The following ZRANB1 variants were observed in gnomAD, a reference collection of about 807,000 sequenced individuals.
ZRANB1 encodes zinc finger RANBP2-type containing 1.
A neutral mutation model predicts 80.5 loss-of-function variants in ZRANB1; 16 were observed. The observed-to-expected ratio is 0.20, with a 90% confidence interval of 0.13 to 0.30. ZRANB1 has a LOEUF of 0.30. ZRANB1 is among the 10% of genes least tolerant of loss of function. The pLI is 1.00. For missense variants in ZRANB1, 576 were observed against 862.6 expected (o/e 0.67, Z 4.16); for synonymous variants, 291 against 293.1 (o/e 0.99, Z 0.07).
intron 6 of ZRANB1, among the ~76,000 whole-genome samples, chr10:124,982,571 A>G (rs1347667327): frequency 1.3e-5 from 2 of 152,102 alleles, no homozygotes; most frequent in Non-Finnish European, 2.9e-5. Context: ...ACAAATATAT[A>G]TACAACTACT....
At chr10:124,973,356 C>T (rs1025069314) in intron 3 of ZRANB1, among the ~76,000 whole-genome samples, 5 of 151,748 alleles carry the variant, frequency 3.3e-5, no homozygotes, top group African/African-American at 4.9e-5. Flanking sequence ...AGGGTTTTGC[C>T]GTGTTGCCCA....
At chr10:124,921,935 T>G in the ZRANB1 span, among the ~76,000 whole-genome samples, 1 of 151,950 alleles carries the variant, frequency 6.6e-6, no homozygotes, top group Non-Finnish European at 1.5e-5. Flanking sequence ...AATATAAAAT[T>G]AATATTTTTT....
chr10:124,952,263 G>A (rs1245240903), intron 1 of ZRANB1, among the ~76,000 whole-genome samples: 3 of 152,210 alleles, frequency 2.0e-5, no homozygotes, highest in Non-Finnish European at 1.5e-5. Flanking sequence ...GGGTTATCTG[G>A]GTGGGTGGTG....
In ZRANB1 at chr10:124,942,827, A is replaced by G; in HGVS notation, c.334A>G (p.Arg112Gly). 6.2e-7 allele frequency: 1 copy of G among 1,614,264 alleles called. No homozygotes were observed. The highest frequency in any genetic ancestry group is 2.2e-5 in the East Asian group (1 of 44,892). The change falls in exon 1 of 9, where the codon AGG becomes GGG. Residue 112 changes from arginine (R) to glycine (G), a missense_variant. Coordinates refer to ENST00000359653, the MANE Select transcript of ZRANB1 (RefSeq NM_017580.3). ...IRCTQCLSQR[R>G]TRSPTESPQS... Reference sequence around the variant, plus strand: ...ATGTACCCAGTGCTTATCCCAACGTAGGACCAGGAGTCCTACAGAATCTCC... The same window carrying G: ...ATGTACCCAGTGCTTATCCCAACGTGGGACCAGGAGTCCTACAGAATCTCC...
At chr10:124,975,863 G>A (rs1951872449) in intron 5 of ZRANB1, among the ~76,000 whole-genome samples, 1 of 152,124 alleles carries the variant, frequency 6.6e-6, no homozygotes, top group South Asian at 2.1e-4. Flanking sequence ...TTAGCCAGGT[G>A]TGGTGGTGCA....
intron 5 of ZRANB1, among the ~76,000 whole-genome samples, chr10:124,974,655 T>C (rs1236922742): frequency 6.6e-6 from 1 of 152,266 alleles, no homozygotes; most frequent in African/African-American, 2.4e-5. Flanking sequence ...CATTTGAAGC[T>C]TTAAAATGCA....
At chr10:124,971,511 T>C (rs992610652) in intron 2 of ZRANB1, among the ~76,000 whole-genome samples, 11 of 152,332 alleles carry the variant, frequency 7.2e-5, no homozygotes, top group African/African-American at 1.9e-4. Flanking sequence ...ACCGTGCTTT[T>C]TTTAAGTCCA....
rs568175548 is a variant in ZRANB1, at chr10:124,948,295, A to G, written c.814+4988A>G. 6.6e-5 allele frequency among the ~76,000 whole-genome samples: 10 copies of G among 152,328 alleles called. No homozygotes were observed. In the East Asian group the frequency reaches 9.6e-4, roughly 15 times the overall value. On this transcript the variant is annotated intron_variant, in intron 1 of 8. Coordinates refer to ENST00000359653, the MANE Select transcript of ZRANB1 (RefSeq NM_017580.3). Reference sequence around the variant, plus strand: ...ATTACAAGAATACAGTGTATAATACATATACAAATATGTGTTCGACTGTTT... The same window carrying G: ...ATTACAAGAATACAGTGTATAATACGTATACAAATATGTGTTCGACTGTTT...
chr10:124,967,789 A>T (rs1326946035), intron 2 of ZRANB1, among the ~76,000 whole-genome samples: 3 of 152,150 alleles, frequency 2.0e-5, no homozygotes, highest in Admixed American at 1.3e-4. Context: ...TACAGTGTGG[A>T]TGTAAGTTGA....
intron 1 of ZRANB1, among the ~76,000 whole-genome samples, chr10:124,948,023 T>A (rs562229363): frequency 1.3e-5 from 2 of 152,304 alleles, no homozygotes; most frequent in African/African-American, 4.8e-5. Flanking sequence ...CTCCATATAC[T>A]TTTGACCCTT....
chr10:124,965,732 A>T (rs1379281489), intron 1 of ZRANB1, among the ~76,000 whole-genome samples: 1 of 152,190 alleles, frequency 6.6e-6, no homozygotes, highest in Non-Finnish European at 1.5e-5. Flanking sequence ...TGTTTTAAAC[A>T]CTTTTTGTGG....
intron 5 of ZRANB1, among the ~76,000 whole-genome samples, chr10:124,977,735 AAG>A (rs1473737209): frequency 1.7e-4 from 26 of 150,788 alleles, no homozygotes; most frequent in African/African-American, 6.1e-4. Flanking sequence ...AAAAAAAAAA[AAG>A]ATGGTTTGGT....
the ZRANB1 span, chr10:124,917,057 G>T: frequency 6.5e-6 from 1 of 152,886 alleles, no homozygotes; most frequent in South Asian, 1.9e-4. Context: ...CGGACCCTCG[G>T]AGACCATGTC....
chr10:124,965,125 G>A (rs968481591), intron 1 of ZRANB1, among the ~76,000 whole-genome samples: 10 of 152,030 alleles, frequency 6.6e-5, no homozygotes, highest in Non-Finnish European at 1.2e-4. Context: ...CCTTGATTAA[G>A]CTTTAGCTTT....
intron 1 of ZRANB1, 118 bp from the exon 2 acceptor site, chr10:124,966,476 G>T: frequency 1.1e-6 from 1 of 945,556 alleles, no homozygotes; most frequent in Non-Finnish European, 1.6e-6. Context: ...TTTAAATGAT[G>T]CATCAGGATC....
At chr10:124,963,560 T>G (rs1350666332) in intron 1 of ZRANB1, among the ~76,000 whole-genome samples, 23 of 138,886 alleles carry the variant, frequency 1.7e-4, no homozygotes, top group African/African-American at 5.9e-4. Context: ...GTTTGTTTTT[T>G]TTTTTTTTTT....
the ZRANB1 span, among the ~76,000 whole-genome samples, chr10:124,922,319 A>AATATATATATAT: frequency 5.8e-5 from 1 of 17,354 alleles, no homozygotes; most frequent in African/African-American, 7.7e-5. Flanking sequence ...ATATATGTAA[A>AATATATATATAT]ATATATGTAT....
chr10:124,949,962 C>T (rs778663271), intron 1 of ZRANB1, among the ~76,000 whole-genome samples: 17 of 152,130 alleles, frequency 1.1e-4, no homozygotes, highest in Non-Finnish European at 1.8e-4. Flanking sequence ...CAATGACTTA[C>T]GGACTGAACC....
intron 1 of ZRANB1, among the ~76,000 whole-genome samples, chr10:124,950,751 G>GGGA (rs1951632380): frequency 6.6e-6 from 1 of 152,054 alleles, no homozygotes; most frequent in Non-Finnish European, 1.5e-5. Context: ...TTGAGAAGAG[G>GGGA]GGAGGATCGT....
Sources: gnomAD v4.1 joint callset for allele counts (sites outside exome capture counted in the v4.1 genomes callset) on GRCh38, gnomAD v4.1.1 for gene constraint, MANE v1.5 for transcripts, NCBI Gene and HGNC (gene_info 2026-07-23, HGNC 2026-07-21) for gene names.